Variants in HPSE2 observed in about 807,000 individuals in gnomAD.
HPSE2 encodes heparanase 2 (inactive), also known as inactive heparanase-2.
Under a neutral mutation model 60.5 loss-of-function variants are expected in HPSE2, and 38 were observed. The observed-to-expected ratio is 0.63, with a 90% CI of 0.48 to 0.82. HPSE2 has a LOEUF of 0.82. HPSE2 is among the 40% of genes least tolerant of loss of function. The pLI, the probability that HPSE2 is intolerant of heterozygous loss-of-function variation, is 0.00. For synonymous variants in HPSE2, 295 were observed against 293.2 expected (o/e 1.01, Z -0.06); for missense variants, 713 against 740.4 (o/e 0.96, Z 0.43).
intron 3 of HPSE2, among the ~76,000 whole-genome samples, chr10:98,881,743 C>T (rs1385576509): frequency 3.3e-5 from 5 of 152,078 alleles, no homozygotes; most frequent in African/African-American, 1.2e-4. Context: ...AACCCGAAAT[C>T]ACTGTGATGA....
At chr10:98,516,171 T>C (rs1942595517) in intron 9 of HPSE2, among the ~76,000 whole-genome samples, 1 of 152,228 alleles carries the variant, frequency 6.6e-6, no homozygotes, top group African/African-American at 2.4e-5. Context: ...TGCTCGGCCC[T>C]TCACATATAT....
At chr10:99,313,809 C>T in the HPSE2 span, among the ~76,000 whole-genome samples, 2 of 151,516 alleles carry the variant, frequency 1.3e-5, no homozygotes, top group Non-Finnish European at 2.9e-5. Context: ...ACCACGTTGG[C>T]CAGGATGGTC....
chr10:99,035,030 T>C (rs1957579435), intron 3 of HPSE2, among the ~76,000 whole-genome samples: 1 of 152,228 alleles, frequency 6.6e-6, no homozygotes, highest in South Asian at 2.1e-4. Context: ...TAGGACATTA[T>C]TGTACACTAC....
intron 3 of HPSE2, among the ~76,000 whole-genome samples, chr10:99,117,758 C>T (rs969060473): frequency 6.6e-6 from 1 of 152,008 alleles, no homozygotes; most frequent in Non-Finnish European, 1.5e-5. Context: ...CAGGAACAAA[C>T]AGATTCACAG....
At chr10:98,994,794 T>C (rs558067798) in intron 3 of HPSE2, among the ~76,000 whole-genome samples, 96 of 152,234 alleles carry the variant, frequency 6.3e-4, no homozygotes, top group Non-Finnish European at 1.0e-3. Context: ...AAGCAACCTG[T>C]TGTAGGGTAG....
intron 3 of HPSE2, among the ~76,000 whole-genome samples, chr10:98,825,526 C>T (rs1951522105): frequency 6.8e-6 from 1 of 146,662 alleles, no homozygotes; most frequent in African/African-American, 2.5e-5. Context: ...AAGCCAATTC[C>T]TTTTCCTCCT....
chr10:98,628,478 C>G (rs1482276893), intron 7 of HPSE2, among the ~76,000 whole-genome samples: 1 of 152,116 alleles, frequency 6.6e-6, no homozygotes, highest in Non-Finnish European at 1.5e-5. Flanking sequence ...GGTACAGTTC[C>G]TGGTGAGAAA....
chr10:99,159,278 G>A (rs1347367009), intron 2 of HPSE2, among the ~76,000 whole-genome samples: 1 of 152,062 alleles, frequency 6.6e-6, no homozygotes, highest in African/African-American at 2.4e-5. Flanking sequence ...AAAGAAAGAA[G>A]ACACAAATTA....
chr10:99,024,435 CA>C (rs919798340), intron 3 of HPSE2, among the ~76,000 whole-genome samples: 1 of 152,036 alleles, frequency 6.6e-6, no homozygotes, highest in African/African-American at 2.4e-5. Flanking sequence ...AATATAGCCT[CA>C]AAAGGGCAAA....
intron 6 of HPSE2, among the ~76,000 whole-genome samples, chr10:98,690,225 C>A (rs1948039502): frequency 6.6e-6 from 1 of 152,168 alleles, no homozygotes; most frequent in Admixed American, 6.5e-5. Context: ...CTAGTTACCT[C>A]CCGATGCATG....
intron 6 of HPSE2, among the ~76,000 whole-genome samples, chr10:98,689,850 C>T (rs763724873): frequency 1.3e-5 from 2 of 152,162 alleles, no homozygotes; most frequent in Non-Finnish European, 2.9e-5. Flanking sequence ...AGTCTTGAGA[C>T]AGACTTTACA....
intron 9 of HPSE2, among the ~76,000 whole-genome samples, chr10:98,491,176 T>A (rs931435295): frequency 2.0e-5 from 3 of 150,388 alleles, no homozygotes; most frequent in Non-Finnish European, 3.0e-5. Context: ...TTTATTAAAC[T>A]TCATATTTTC....
At chr10:98,998,780 A>C (rs952539815) in intron 3 of HPSE2, among the ~76,000 whole-genome samples, 1 of 152,192 alleles carries the variant, frequency 6.6e-6, no homozygotes, top group African/African-American at 2.4e-5. Context: ...TTCTGTACTA[A>C]AATAAAAGGT....
rs374256412 is a variant in HPSE2 at position 99,076,898 on chromosome 10, G to A, written c.610+67340C>T. Among the ~76,000 whole-genome samples, 10 of 152,236 alleles carry A rather than the reference G, an allele frequency of 6.6e-5. 1 individual carries two copies. In the South Asian group the frequency reaches 2.1e-3, roughly 32 times the overall value. ...TAATAAGTCTTTTAAGGCAGGTCTG[G>A]GTCGCAAAGAACTCTCTCAGCTTTT... On this transcript the variant is annotated intron_variant, in intron 3 of 11. Coordinates refer to ENST00000370552, the MANE Select transcript of HPSE2 (RefSeq NM_021828.5).
chr10:99,227,684 C>A (rs1849515003), intron 2 of HPSE2, among the ~76,000 whole-genome samples: 1 of 151,400 alleles, frequency 6.6e-6, no homozygotes, highest in South Asian at 2.1e-4. Flanking sequence ...CTAGCATACA[C>A]CCAAGAAAAT....
intron 5 of HPSE2, among the ~76,000 whole-genome samples, chr10:98,719,673 G>A (rs1414664577): frequency 1.9e-4 from 25 of 132,786 alleles, no homozygotes; most frequent in African/African-American, 6.7e-4. Flanking sequence ...TGGATTTCAA[G>A]CAGAAGTGAC....
intron 3 of HPSE2, among the ~76,000 whole-genome samples, chr10:98,853,288 T>A (rs535673896): frequency 1.2e-4 from 18 of 152,290 alleles, no homozygotes; most frequent in African/African-American, 4.1e-4. Context: ...TCCCTCTTTT[T>A]TGCCATAAAG....
At chr10:99,264,520 G>A in the HPSE2 span, among the ~76,000 whole-genome samples, 2 of 152,074 alleles carry the variant, frequency 1.3e-5, no homozygotes, top group African/African-American at 2.4e-5. Context: ...AATGAATAGT[G>A]TTGTTTTTAC....
At chr10:98,954,781 G>A (rs372379760) in intron 3 of HPSE2, among the ~76,000 whole-genome samples, 15 of 151,866 alleles carry the variant, frequency 9.9e-5, no homozygotes, top group African/African-American at 3.1e-4. Flanking sequence ...TATAAACTCC[G>A]CATTTTCCAC....
Sources: gnomAD v4.1 joint callset for allele counts (sites outside exome capture counted in the v4.1 genomes callset) on GRCh38, gnomAD v4.1.1 for gene constraint, MANE v1.5 for transcripts, NCBI Gene and HGNC (gene_info 2026-07-23, HGNC 2026-07-21) for gene names.